The following TMPRSS15 variants were observed in gnomAD, a reference collection of about 807,000 sequenced individuals.
TMPRSS15 encodes transmembrane serine protease 15, also known as enteropeptidase.
Under a neutral mutation model 125.3 loss-of-function variants are expected in TMPRSS15, and 128 were observed. That is an observed-to-expected ratio of 1.02 (90% CI 0.89 to 1.18). The LOEUF (loss-of-function observed/expected upper bound fraction) is 1.18. Among genes scored for constraint, TMPRSS15 ranks in the 50% most tolerant of loss-of-function variants. The pLI, the probability that TMPRSS15 is intolerant of heterozygous loss-of-function variation, is 0.00. For missense variants in TMPRSS15, 1,283 were observed against 1,212.7 expected (o/e 1.06, Z -0.86); for synonymous variants, 446 against 423.2 (o/e 1.05, Z -0.66).
At chr21:18,464,478 G>A (rs2122911259) in intron 1 of TMPRSS15, among the ~76,000 whole-genome samples, 292 of 152,142 alleles carry the variant, frequency 1.9e-3, no homozygotes, top group Non-Finnish European at 3.1e-3. Context: ...CCAGGAGCTG[G>A]TTTTTTGAAA....
At chr21:18,315,350 T>A (rs1039879221) in intron 16 of TMPRSS15, 94 bp from the exon 17 acceptor site, 1 of 1,048,554 alleles carries the variant, frequency 9.5e-7, no homozygotes, top group Non-Finnish European at 1.4e-6. Context: ...TAAACATGAG[T>A]CCTTTGCCAC....
intron 1 of TMPRSS15, among the ~76,000 whole-genome samples, chr21:18,438,161 T>C (rs931477337): frequency 6.7e-6 from 1 of 149,970 alleles, no homozygotes; most frequent in Non-Finnish European, 1.5e-5. Context: ...AAATGATGAG[T>C]TCATGTCCTT....
chr21:18,477,162 GGT>G (rs1054669844), intron 1 of TMPRSS15, among the ~76,000 whole-genome samples: 4 of 152,106 alleles, frequency 2.6e-5, no homozygotes, highest in African/African-American at 4.8e-5. Context: ...CAAATTTTCA[GGT>G]TCCAAACCAA....
intron 21 of TMPRSS15, among the ~76,000 whole-genome samples, chr21:18,290,170 AG>A (rs1437875050): frequency 6.6e-6 from 1 of 152,212 alleles, no homozygotes. Context: ...ACAGAAGACA[AG>A]GTTAGGATTT....
rs140635426 is a variant in TMPRSS15 at position 18,370,532 on chromosome 21, A to T, written c.664+1661T>A. On this transcript the variant is annotated intron_variant, in intron 6 of 24. Coordinates refer to ENST00000284885, the MANE Select transcript of TMPRSS15 (RefSeq NM_002772.3). Reference sequence around the variant, plus strand: ...CACTTGCATCATATTCTCCCTGAAAAGATTTTGGAAAATGCCTGAAAGCCA... The same window carrying T: ...CACTTGCATCATATTCTCCCTGAAATGATTTTGGAAAATGCCTGAAAGCCA... 7.2e-3 allele frequency among the ~76,000 whole-genome samples: 1,099 copies of T among 152,272 alleles called. 17 individuals are homozygous for T. Among genetic ancestry groups the T allele is most frequent in the African/African-American group, 0.025 (1,042 of 41,570 alleles).
intron 21 of TMPRSS15, among the ~76,000 whole-genome samples, chr21:18,287,611 T>G: frequency 6.6e-6 from 1 of 152,116 alleles, no homozygotes; most frequent in East Asian, 1.9e-4. Flanking sequence ...ATAATTATAA[T>G]GAGATACATG....
chr21:18,461,016 C>T (rs1978541284), intron 1 of TMPRSS15, among the ~76,000 whole-genome samples: 1 of 152,014 alleles, frequency 6.6e-6, no homozygotes, highest in Admixed American at 6.6e-5. Flanking sequence ...TATGGTTTTC[C>T]TTGAATGAAC....
chr21:18,466,565 C>T (rs1197664875), intron 1 of TMPRSS15, among the ~76,000 whole-genome samples: 2 of 151,650 alleles, frequency 1.3e-5, no homozygotes, highest in African/African-American at 4.8e-5. Flanking sequence ...AACAAATATA[C>T]AAGAAAAAAA....
chr21:18,341,282 G>T, intron 13 of TMPRSS15, 131 bp downstream of exon 13: 1 of 1,069,702 alleles, frequency 9.3e-7, no homozygotes, highest in Non-Finnish European at 1.4e-6. Context: ...TAATCCTCAG[G>T]CTGGTCTCAA....
In TMPRSS15 at chr21:18,409,001, G is replaced by A. The variant is rs73893096; in HGVS notation, c.11-10672C>T. ...CAGTCAGCTTGTTTTAAAAAAAGAAGTGTGTTTAGAAGAGCTGCTGGATTC... is the reference window on the plus strand; with the variant it reads ...CAGTCAGCTTGTTTTAAAAAAAGAAATGTGTTTAGAAGAGCTGCTGGATTC... On this transcript the variant is annotated intron_variant, in intron 1 of 7. Coordinates refer to the TMPRSS15 transcript ENST00000422787. Among the ~76,000 whole-genome samples the A allele has an allele frequency of 3.0e-3, 459 of 152,186 alleles. 1 individual carries two copies. The highest frequency in any genetic ancestry group is 0.011 in the African/African-American group (451 of 41,548).
At chr21:18,371,586 C>A (rs2075792190) in intron 6 of TMPRSS15, among the ~76,000 whole-genome samples, 1 of 152,090 alleles carries the variant, frequency 6.6e-6, no homozygotes, top group African/African-American at 2.4e-5. Context: ...GTCATTAACA[C>A]TCAAAAAATG....
chr21:18,439,329 G>C (rs2076235987), intron 1 of TMPRSS15, among the ~76,000 whole-genome samples: 1 of 152,082 alleles, frequency 6.6e-6, no homozygotes, highest in Admixed American at 6.5e-5. Flanking sequence ...GAGTTTAAAA[G>C]ATTTACCCAG....
chr21:18,444,539 C>T (rs866103350), intron 1 of TMPRSS15, among the ~76,000 whole-genome samples: 2 of 151,986 alleles, frequency 1.3e-5, no homozygotes, highest in African/African-American at 4.8e-5. Flanking sequence ...ATGTAGATGA[C>T]GGGTTGATGG....
intron 23 of TMPRSS15, among the ~76,000 whole-genome samples, chr21:18,276,757 T>A (rs925065413): frequency 1.3e-5 from 1 of 79,478 alleles, no homozygotes; most frequent in Non-Finnish European, 2.3e-5. Context: ...CTGGGATTCT[T>A]TTTTTTTTTT....
chr21:18,473,511 A>G (rs1178299346), intron 1 of TMPRSS15, among the ~76,000 whole-genome samples: 1 of 152,030 alleles, frequency 6.6e-6, no homozygotes, highest in Non-Finnish European at 1.5e-5. Flanking sequence ...GAACAATCCT[A>G]TAATATTTTA....
intron 16 of TMPRSS15, among the ~76,000 whole-genome samples, chr21:18,324,265 G>A (rs374505011): frequency 7.2e-5 from 11 of 152,012 alleles, no homozygotes; most frequent in African/African-American, 2.7e-4. Flanking sequence ...GTTTTTTCCT[G>A]CATGCCCATT....
chr21:18,378,220 C>T (rs1029238410), intron 5 of TMPRSS15, among the ~76,000 whole-genome samples: 6 of 152,030 alleles, frequency 3.9e-5, no homozygotes, highest in African/African-American at 1.4e-4. Flanking sequence ...TTATCAATCC[C>T]AAAAGCATTT....
chr21:18,356,612 A>C (rs1011485522), intron 8 of TMPRSS15, among the ~76,000 whole-genome samples: 2 of 151,806 alleles, frequency 1.3e-5, no homozygotes, highest in Non-Finnish European at 2.9e-5. Flanking sequence ...GGAAGGGATG[A>C]CTTAAGCAAA....
At chr21:18,435,917 G>A (rs774452300) in intron 1 of TMPRSS15, among the ~76,000 whole-genome samples, 12,077 of 148,134 alleles carry the variant, frequency 0.082, 581 homozygotes, top group South Asian at 0.12. Context: ...GTTTATTTGC[G>A]TAGAGGTGTT....
Sources: allele counts gnomAD v4.1 joint callset (sites outside exome capture counted in the v4.1 genomes callset), GRCh38; gene constraint gnomAD v4.1.1; transcripts MANE v1.5; gene names NCBI Gene and HGNC (gene_info 2026-07-23, HGNC 2026-07-21).